SLC9C1: variants seen among roughly 807,000 people sequenced by gnomAD.
SLC9C1 encodes the protein sodium/hydrogen exchanger 10.
In SLC9C1, 97 loss-of-function variants were observed where a neutral mutation model predicts 140.9. The ratio of observed to expected loss-of-function variants is 0.69; its 90% confidence interval spans 0.58 to 0.82. The LOEUF (loss-of-function observed/expected upper bound fraction) is 0.82, where lower values mean the gene tolerates loss of function less well. Among genes scored for constraint, SLC9C1 ranks in the 40% least tolerant of loss-of-function variants. The pLI, the probability that SLC9C1 is intolerant of heterozygous loss-of-function variation, is 0.00. For synonymous variants in SLC9C1, 440 were observed against 442.6 expected (o/e 0.99, Z 0.07); for missense variants, 1,340 against 1,389.3 (o/e 0.96, Z 0.56).
intron 15 of SLC9C1, 32 bp downstream of exon 15, chr3:112,217,410 T>A (rs750136338): frequency 2.6e-5 from 41 of 1,552,134 alleles, no homozygotes; most frequent in Non-Finnish European, 3.5e-5. Context: ...GTGAATATAA[T>A]AGCATTTCTT....
At chr3:112,192,243 C>T (rs912876662) in intron 20 of SLC9C1, among the ~76,000 whole-genome samples, 1 of 152,144 alleles carries the variant, frequency 6.6e-6, no homozygotes, top group African/African-American at 2.4e-5. Context: ...ACTCTATACC[C>T]ATTAAACAAT....
At chr3:112,272,542 A>G (rs2080105106) in intron 6 of SLC9C1, among the ~76,000 whole-genome samples, 1 of 152,248 alleles carries the variant, frequency 6.6e-6, no homozygotes, top group Non-Finnish European at 1.5e-5. Context: ...ATGAAATAGC[A>G]GTAAAGCTTA....
chr3:112,259,227 T>C (rs1053099362), intron 10 of SLC9C1, among the ~76,000 whole-genome samples: 2 of 151,990 alleles, frequency 1.3e-5, no homozygotes, highest in African/African-American at 4.8e-5. Flanking sequence ...TTCTTACTTA[T>C]AAGTGGGAGC....
At chr3:112,172,112 GTC>G (rs1343547420) in intron 23 of SLC9C1, among the ~76,000 whole-genome samples, 2 of 152,078 alleles carry the variant, frequency 1.3e-5, no homozygotes, top group Non-Finnish European at 2.9e-5. Flanking sequence ...TACAAAAAGA[GTC>G]TGTGGAGAGT....
intron 20 of SLC9C1, among the ~76,000 whole-genome samples, chr3:112,188,766 G>A (rs1234378460): frequency 6.6e-6 from 1 of 152,160 alleles, no homozygotes; most frequent in African/African-American, 2.4e-5. Flanking sequence ...TGGGATGGCT[G>A]GGTCAAATGA....
intron 13 of SLC9C1, among the ~76,000 whole-genome samples, chr3:112,223,543 T>G (rs1483842573): frequency 6.8e-6 from 1 of 146,246 alleles, no homozygotes; most frequent in Admixed American, 7.1e-5. Context: ...TAAAATTAGA[T>G]ACTTTTTGAA....
chr3:112,150,813 TACATATACATATATATATATATATATA>T (rs1384417406), intron 28 of SLC9C1, among the ~76,000 whole-genome samples: 138 of 37,826 alleles, frequency 3.6e-3, no homozygotes, highest in African/African-American at 0.013. Context: ...TATATATAAA[TACATATACATATATATATATATATATA>T]TTTTTTTTTT....
At position 112,264,240 on chromosome 3, in the gene SLC9C1, A is replaced by T; in HGVS notation, c.982T>A (p.Tyr328Asn). Residue 328 changes from tyrosine to asparagine, a missense_variant, in exon 9 of 29, where the codon TAC becomes AAC. By Grantham distance (143) the Tyr-to-Asn change is moderately radical. Coordinates refer to ENST00000305815, the MANE Select transcript of SLC9C1 (RefSeq NM_183061.3). ...GTTAAGTAGATATTTAATGAATAGTATATATCAACAAATTCTATATACAAA... is the reference window on the plus strand; with the variant it reads ...GTTAAGTAGATATTTAATGAATAGTTTATATCAACAAATTCTATATACAAA... ...TYLYIEFVDIYYSLNIYLTLI... is the reference protein window; with the variant it reads ...TYLYIEFVDINYSLNIYLTLI... The T allele has an allele frequency of 7.4e-7, 1 of 1,344,222 alleles. No individual in the cohort carries two copies. The highest frequency in any genetic ancestry group is 9.9e-7 in the Non-Finnish European group (1 of 1,011,304). 83.3% of individuals were successfully genotyped at this position (1,344,222 alleles called of 1,614,324 possible).
chr3:112,164,625 T>C (rs1281272710), intron 26 of SLC9C1, among the ~76,000 whole-genome samples: 2 of 151,140 alleles, frequency 1.3e-5, no homozygotes, highest in Non-Finnish European at 2.9e-5. Flanking sequence ...GCTTGTAGAG[T>C]TTCTCCTGAG....
intron 6 of SLC9C1, among the ~76,000 whole-genome samples, chr3:112,273,135 T>C (rs1270428506): frequency 6.6e-6 from 1 of 152,132 alleles, no homozygotes; most frequent in Admixed American, 6.6e-5. Context: ...GGTTTTTTAG[T>C]TCCCCCAAGG....
Position 112,167,327 on chromosome 3 carries a change from G to T in SLC9C1, c.3258C>A (p.Phe1086Leu), listed in dbSNP as rs369014902. Residue 1086 changes from phenylalanine to leucine, a missense_variant, in exon 26 of 29, where the codon TTC (phenylalanine) becomes TTA (leucine). Transcript: ENST00000305815. ...TCHQIQSIED[F>L]TKVVIIQTPI... Reference sequence around the variant, plus strand: ...GAGTTTGAATAATCACTACTTTTGTGAAATCTTCAATACTTTGTATCTGAA... The same window carrying T: ...GAGTTTGAATAATCACTACTTTTGTTAAATCTTCAATACTTTGTATCTGAA... 12 of 1,601,014 alleles carry T rather than the reference G, an allele frequency of 7.5e-6. No homozygotes were observed. Among genetic ancestry groups the T allele is most frequent in the Non-Finnish European group, 1.0e-5 (12 of 1,175,140 alleles).
chr3:112,201,756 T>G (rs1047260920), intron 18 of SLC9C1, among the ~76,000 whole-genome samples: 2 of 152,038 alleles, frequency 1.3e-5, no homozygotes, highest in African/African-American at 4.8e-5. Context: ...TAGGTTTCCC[T>G]CTATTTTAAT....
At chr3:112,166,398 T>A (rs1237375065) in intron 26 of SLC9C1, among the ~76,000 whole-genome samples, 1 of 152,182 alleles carries the variant, frequency 6.6e-6, no homozygotes, top group African/African-American at 2.4e-5. Context: ...TAGCATTTCT[T>A]TAAATGTTAA....
At chr3:112,240,068 A>G (rs2079100673) in intron 11 of SLC9C1, 62 bp from the exon 12 acceptor site, 9 of 1,459,072 alleles carry the variant, frequency 6.2e-6, no homozygotes, top group Non-Finnish European at 8.3e-6. Context: ...ATGGGTTAGA[A>G]AGCTTACTTT....
At chr3:112,229,757 G>A (rs1205385986) in intron 13 of SLC9C1, among the ~76,000 whole-genome samples, 2 of 152,046 alleles carry the variant, frequency 1.3e-5, no homozygotes, top group Non-Finnish European at 2.9e-5. Flanking sequence ...TGGTGAGCAA[G>A]TACATTACTT....
intron 13 of SLC9C1, among the ~76,000 whole-genome samples, chr3:112,226,754 A>G (rs900312589): frequency 1.3e-5 from 2 of 152,080 alleles, no homozygotes; most frequent in Non-Finnish European, 2.9e-5. Flanking sequence ...AGTTCAAAAA[A>G]CAACTTAATT....
chr3:112,261,538 T>C (rs2079771999), intron 10 of SLC9C1, among the ~76,000 whole-genome samples: 1 of 152,048 alleles, frequency 6.6e-6, no homozygotes, highest in African/African-American at 2.4e-5. Flanking sequence ...CAATATGTCT[T>C]TGATGTTAGT....
At chr3:112,250,772 G>C (rs894794412) in intron 10 of SLC9C1, among the ~76,000 whole-genome samples, 1 of 152,150 alleles carries the variant, frequency 6.6e-6, no homozygotes, top group Non-Finnish European at 1.5e-5. Context: ...CAGAGAAAAA[G>C]GGACAGTTAT....
At chr3:112,144,856 G>A (rs1235567878) in intron 28 of SLC9C1, among the ~76,000 whole-genome samples, 1 of 152,036 alleles carries the variant, frequency 6.6e-6, no homozygotes, top group Non-Finnish European at 1.5e-5. Flanking sequence ...GAGTCCTTAG[G>A]GTTTTTTAAA....
Sources: gnomAD v4.1 joint callset for allele counts (sites outside exome capture counted in the v4.1 genomes callset) on GRCh38, gnomAD v4.1.1 for gene constraint, MANE v1.5 for transcripts, NCBI Gene and HGNC (gene_info 2026-07-23, HGNC 2026-07-21) for gene names.